Variants in CDK14 observed in about 807,000 individuals in gnomAD.
The protein encoded by CDK14 is cyclin-dependent kinase 14.
CDK14 carries 34 observed loss-of-function variants against 60.7 expected under a neutral mutation model. The observed-to-expected ratio is 0.56, with a 90% confidence interval of 0.43 to 0.75. The LOEUF (loss-of-function observed/expected upper bound fraction) is 0.75. CDK14 is among the 30% of genes least tolerant of loss of function. The pLI, the probability that CDK14 is intolerant of heterozygous loss-of-function variation, is 0.00. For missense variants in CDK14, 482 were observed against 564.1 expected (o/e 0.85, Z 1.47); for synonymous variants, 197 against 203.7 (o/e 0.97, Z 0.28).
intron 2 of CDK14, among the ~76,000 whole-genome samples, chr7:90,717,993 A>G (rs1802313310): frequency 2.6e-5 from 4 of 152,224 alleles, no homozygotes; most frequent in Non-Finnish European, 4.4e-5. Flanking sequence ...AGCTTATATA[A>G]GAATATATAA....
intron 12 of CDK14, among the ~76,000 whole-genome samples, chr7:91,111,964 A>G (rs1186088864): frequency 6.6e-6 from 1 of 152,182 alleles, no homozygotes; most frequent in Admixed American, 6.5e-5. Context: ...GTCATCTTGA[A>G]TTGATTCAGC....
chr7:91,071,064 A>G (rs1798128537), intron 11 of CDK14, among the ~76,000 whole-genome samples: 1 of 152,244 alleles, frequency 6.6e-6, no homozygotes, highest in Non-Finnish European at 1.5e-5. Flanking sequence ...GAACAAAGAA[A>G]ATGTCATACC....
At chr7:91,183,927 G>A (rs1802085772) in intron 14 of CDK14, among the ~76,000 whole-genome samples, 1 of 152,152 alleles carries the variant, frequency 6.6e-6, no homozygotes, top group African/African-American at 2.4e-5. Flanking sequence ...CAGTGTGTTG[G>A]CTCACACCAG....
chr7:91,047,169 G>A (rs1025291978), intron 11 of CDK14, among the ~76,000 whole-genome samples: 6 of 152,212 alleles, frequency 3.9e-5, no homozygotes, highest in South Asian at 2.1e-4. Flanking sequence ...CCTTATAAAC[G>A]ATCCAATTGT....
At chr7:90,775,939 T>C (rs1325836785) in intron 4 of CDK14, among the ~76,000 whole-genome samples, 1 of 152,064 alleles carries the variant, frequency 6.6e-6, no homozygotes, top group Non-Finnish European at 1.5e-5. Flanking sequence ...ATTATGTTTA[T>C]GTATAAAAAC....
At chr7:90,848,308 C>G (rs1790535042) in intron 5 of CDK14, among the ~76,000 whole-genome samples, 1 of 152,084 alleles carries the variant, frequency 6.6e-6, no homozygotes. Context: ...GTTGGCCAGG[C>G]TTACCTCAAG....
rs1002572194 is a variant in CDK14, at chr7:90,640,182, G to A, written c.123+35933G>A. On this transcript the variant is annotated intron_variant, in intron 2 of 14. Transcript: ENST00000380050. ...TTGATATGAACCCGGTACCTCAGAT[G>A]GAAATGCAGAAATCACCCGTCTTCT... 2.0e-5 allele frequency among the ~76,000 whole-genome samples: 3 copies of A among 152,130 alleles called. No homozygotes were observed. The East Asian group carries it at 5.9e-4, about 30-fold the overall frequency.
At chr7:91,206,755 G>A (rs557060014) in intron 14 of CDK14, among the ~76,000 whole-genome samples, 15 of 152,164 alleles carry the variant, frequency 9.9e-5, no homozygotes, top group African/African-American at 3.4e-4. Context: ...TTTGTGATCC[G>A]TTTTTCTATT....
intron 6 of CDK14, among the ~76,000 whole-genome samples, chr7:90,883,578 ACTCATTTTATGAAGCCAGCATCATC>A (rs1791836948): frequency 6.6e-6 from 1 of 152,170 alleles, no homozygotes; most frequent in Admixed American, 6.5e-5. Flanking sequence ...CCCCTTCCTA[ACTCATTTTATGAAGCCAGCATCATC>A]CTCATAACAA....
intron 10 of CDK14, among the ~76,000 whole-genome samples, chr7:90,991,153 AAGGAGTACCACTGG>A (rs1285723373): frequency 1.3e-5 from 2 of 152,206 alleles, no homozygotes; most frequent in East Asian, 1.9e-4. Flanking sequence ...GAACATTGAA[AAGGAGTACCACTGG>A]AGGGAGAGGA....
chr7:90,835,540 A>G (rs1451514005), intron 5 of CDK14, among the ~76,000 whole-genome samples: 1 of 152,158 alleles, frequency 6.6e-6, no homozygotes, highest in Non-Finnish European at 1.5e-5. Context: ...AATGATAGTG[A>G]AAATCAAAGT....
At chr7:91,097,154 G>T (rs1799016044) in intron 12 of CDK14, among the ~76,000 whole-genome samples, 1 of 152,122 alleles carries the variant, frequency 6.6e-6, no homozygotes, top group African/African-American at 2.4e-5. Flanking sequence ...GTCAAGGCAG[G>T]TGGATCACCT....
At chr7:90,983,023 G>T (rs1468471721) in intron 9 of CDK14, among the ~76,000 whole-genome samples, 1 of 152,098 alleles carries the variant, frequency 6.6e-6, no homozygotes, top group Non-Finnish European at 1.5e-5. Flanking sequence ...CAGTCAGAAT[G>T]GTTATTATTA....
chr7:91,167,431 C>T (rs1801380090), intron 14 of CDK14, among the ~76,000 whole-genome samples: 1 of 152,208 alleles, frequency 6.6e-6, no homozygotes, highest in African/African-American at 2.4e-5. Context: ...CATAAGGTAG[C>T]TTTTCAGCTT....
chr7:90,984,296 G>A (rs896057339), intron 10 of CDK14, 55 bp downstream of exon 10: 1 of 1,098,576 alleles, frequency 9.1e-7, no homozygotes, highest in Non-Finnish European at 1.4e-6. Flanking sequence ...TAGTCACTTA[G>A]TGACAAATTC....
chr7:91,014,167 A>G (rs1796240639), intron 10 of CDK14, among the ~76,000 whole-genome samples: 1 of 152,164 alleles, frequency 6.6e-6, no homozygotes, highest in Non-Finnish European at 1.5e-5. Flanking sequence ...TAGAAAAACC[A>G]AAGTTTTAAT....
intron 7 of CDK14, among the ~76,000 whole-genome samples, chr7:90,899,683 A>G (rs1294156007): frequency 6.6e-6 from 1 of 152,056 alleles, no homozygotes; most frequent in Non-Finnish European, 1.5e-5. Flanking sequence ...TGGAACCCAT[A>G]CTGATGTACC....
intron 14 of CDK14, among the ~76,000 whole-genome samples, chr7:91,187,417 C>T (rs1036417747): frequency 2.0e-5 from 3 of 152,184 alleles, no homozygotes; most frequent in Admixed American, 1.3e-4. Context: ...CCATAATTAT[C>T]TTCCTTTTTA....
At chr7:91,064,035 T>TA (rs1797893193) in intron 11 of CDK14, among the ~76,000 whole-genome samples, 1 of 152,172 alleles carries the variant, frequency 6.6e-6, no homozygotes, top group Admixed American at 6.6e-5. Flanking sequence ...AATGATTAAG[T>TA]AATCTGTTCA....
Sources: gnomAD v4.1 joint callset for allele counts (sites outside exome capture counted in the v4.1 genomes callset) on GRCh38, gnomAD v4.1.1 for gene constraint, MANE v1.5 for transcripts, NCBI Gene and HGNC (gene_info 2026-07-23, HGNC 2026-07-21) for gene names.